The following PENK variants were observed in gnomAD, a reference collection of about 807,000 sequenced individuals.
PENK encodes proenkephalin-A.
In PENK, 25 loss-of-function variants were observed where a neutral mutation model predicts 24.1. The observed-to-expected ratio is 1.04, with a 90% CI of 0.76 to 1.45. PENK has a LOEUF of 1.45. Among genes scored for constraint, PENK ranks in the 40% most tolerant of loss-of-function variants. The pLI, the probability that PENK is intolerant of heterozygous loss-of-function variation, is 0.00. For missense variants in PENK, 353 were observed against 337.9 expected (o/e 1.04, Z -0.35); for synonymous variants, 135 against 130.3 (o/e 1.04, Z -0.24).
Position 56,441,650 on chromosome 8 carries a change from C to G in PENK, c.426G>C (p.Lys142Asn), listed in dbSNP as rs757143992. ...CCAGCGAGTCGTCCTCCTCTGCATC[C>G]TTCTTCATGAAGCCCCCATACCGCT... ...LAKRYGGFMK[K>N]DAEEDDSLAN... Residue 142 changes from lysine to asparagine, a missense_variant, in exon 4 of 4, where the codon AAG becomes AAC. Physicochemically the swap from Lys to Asn is moderately conservative, Grantham distance 94. Coordinates refer to ENST00000451791, the MANE Select transcript of PENK (RefSeq NM_001135690.3). 6.2e-7 allele frequency: 1 copy of G among 1,613,922 alleles called. No individual in the cohort carries two copies. The highest frequency in any genetic ancestry group is 1.3e-5 in the African/African-American group (1 of 74,858).
chr8:56,443,652 G>C (rs901799731), intron 3 of PENK: 1 of 286,744 alleles, frequency 3.5e-6, no homozygotes, highest in Non-Finnish European at 6.5e-6. Flanking sequence ...TTGTTACATT[G>C]ATTTCACTAC....
At chr8:56,442,732 A>C (rs535894227) in intron 3 of PENK, among the ~76,000 whole-genome samples, 9 of 152,098 alleles carry the variant, frequency 5.9e-5, no homozygotes, top group Non-Finnish European at 8.8e-5. Flanking sequence ...TTTTCTTCAC[A>C]TTTAGTCACT....
chr8:56,445,958 T>G lies in PENK; in HGVS notation c.-3-2A>C. The G allele has an allele frequency of 6.3e-7, 1 of 1,598,936 alleles. No homozygotes were observed. The highest frequency in any genetic ancestry group is 1.1e-5 in the South Asian group (1 of 89,954). On this transcript the variant is annotated splice_acceptor_variant, in intron 2 of 3. Transcript: ENST00000451791. LOFTEE classifies it low-confidence loss of function (5UTR_SPLICE). ...AAGTGTCAGGAACCGCGCCATGGAC[T>G]GCGAGGAGAGAGGGACGCGTGCTTC...
At chr8:56,446,039 T>A in intron 2 of PENK, 83 bp from the exon 3 acceptor site, 1 of 1,422,218 alleles carries the variant, frequency 7.0e-7, no homozygotes, top group Middle Eastern at 2.6e-4. Context: ...CGCGACAGCC[T>A]CAGCAGGGGA....
rs773083942 is a variant in PENK at position 56,441,468 on chromosome 8, G to C, written c.608C>G (p.Ala203Gly). The change falls in exon 4 of 4, where the codon GCC becomes GGC. Residue 203 changes from alanine to glycine, a missense_variant. Coordinates refer to ENST00000451791, the MANE Select transcript of PENK (RefSeq NM_001135690.3). ...CCCATATCGCTTCTGCAGCTCTTTG[G>C]CTTCATCTTCCAGTTGGGGGCTTCT... ...LKRSPQLEDE[A>G]KELQKRYGGF... 21 of 1,612,468 alleles carry C rather than the reference G, an allele frequency of 1.3e-5. No homozygotes were observed. The South Asian group carries it at 1.3e-4, about 10-fold the overall frequency.
At chr8:56,443,496 A>G (rs1438801686) in intron 3 of PENK, 1 of 153,278 alleles carries the variant, frequency 6.5e-6, no homozygotes, top group African/African-American at 2.4e-5. Flanking sequence ...GTTTTGTGGT[A>G]TTTACCACAC....
rs754728342 is a variant in PENK at position 56,445,916 on chromosome 8, A to C, written c.38T>G (p.Leu13Trp). The change falls in exon 3 of 4, where the codon TTG becomes TGG. Residue 13 changes from leucine to tryptophan, a missense_variant. Coordinates refer to ENST00000451791, the MANE Select transcript of PENK (RefSeq NM_001135690.3). The part of the protein sequence containing the change: ...RFLTLCTWLL[L>W]LGPGLLATVR... ...GGTCGCCAGGAGCCCGGGGCCGAGC[A>C]ACAGCAGCCAAGTGCAAAGTGTCAG... The C allele has an allele frequency of 6.2e-7, 1 of 1,612,168 alleles. No homozygotes were observed. Among genetic ancestry groups the C allele is most frequent in the East Asian group, 2.2e-5 (1 of 44,868 alleles).
intron 2 of PENK, chr8:56,446,176 A>G (rs533886609): frequency 2.2e-4 from 120 of 548,754 alleles, no homozygotes; most frequent in African/African-American, 2.0e-3. Context: ...GTCGCCCCCA[A>G]CGCGAGGCTG....
intron 3 of PENK, chr8:56,443,875 T>G: frequency 1.6e-6 from 1 of 641,828 alleles, no homozygotes; most frequent in Non-Finnish European, 2.8e-6. Flanking sequence ...TTATCTATTT[T>G]TTTCAAGTTG....
At chr8:56,445,768 A>C in intron 3 of PENK, 48 bp downstream of exon 3, 1 of 1,612,406 alleles carries the variant, frequency 6.2e-7, no homozygotes, top group African/African-American at 1.3e-5. Flanking sequence ...ACTGTTGCGG[A>C]AACTCTGTCT....
rs772081265 is a variant in PENK, at chr8:56,441,481, G to A, written c.595C>T (p.Leu199=). ...TGCAGCTCTTTGGCTTCATCTTCCA[G>A]TTGGGGGCTTCTCTTTAAGCCTCTC... The part of the protein sequence containing the change: ...FMRGLKRSPQ[L]EDEAKELQKR... Residue 199 remains leucine (L), a synonymous_variant, in exon 4 of 4, where the codon CTG becomes TTG. Coordinates refer to ENST00000451791, the MANE Select transcript of PENK (RefSeq NM_001135690.3). 1.2e-6 allele frequency: 2 copies of A among 1,612,912 alleles called. No individual in the cohort carries two copies. Among genetic ancestry groups the A allele is most frequent in the Non-Finnish European group, 1.7e-6 (2 of 1,179,752 alleles).
Position 56,442,223 on chromosome 8 carries a change from G to A in PENK, c.139-286C>T, listed in dbSNP as rs557599086. On this transcript the variant is annotated intron_variant, in intron 3 of 3. Coordinates refer to ENST00000451791, the MANE Select transcript of PENK (RefSeq NM_001135690.3). ...AAGAATTTAAAAAAAAATTTTCCATGCAGTTTTAACTTAGATTGACTGCTT... is the reference window on the plus strand; with the variant it reads ...AAGAATTTAAAAAAAAATTTTCCATACAGTTTTAACTTAGATTGACTGCTT... 2.0e-5 allele frequency among the ~76,000 whole-genome samples: 3 copies of A among 152,242 alleles called. No individual in the cohort carries two copies. In the South Asian group the frequency reaches 6.2e-4, roughly 32 times the overall value.
chr8:56,446,078 C>T, intron 2 of PENK, 122 bp from the exon 3 acceptor site: 2 of 1,163,710 alleles, frequency 1.7e-6, no homozygotes, highest in Admixed American at 2.8e-5. Context: ...CAGGAATGCT[C>T]CTTTCTGGGG....
At chr8:56,445,593 C>T in intron 3 of PENK, 3 of 644,930 alleles carry the variant, frequency 4.7e-6, no homozygotes, top group East Asian at 2.7e-5. Flanking sequence ...CCTTACCGGT[C>T]CCCAGATAGT....
At chr8:56,445,782 A>T in intron 3 of PENK, 34 bp downstream of exon 3, 1 of 1,612,914 alleles carries the variant, frequency 6.2e-7, no homozygotes, top group Non-Finnish European at 8.5e-7. Flanking sequence ...TCTGTCTCAC[A>T]AGGTGCGCAA....
At chr8:56,444,282 G>A (rs1454537185) in intron 3 of PENK, among the ~76,000 whole-genome samples, 1 of 152,232 alleles carries the variant, frequency 6.6e-6, no homozygotes, top group African/African-American at 2.4e-5. Flanking sequence ...TTTGGGGTCA[G>A]TCTGTGTGAT....
chr8:56,445,543 A>G, intron 3 of PENK: 1 of 601,620 alleles, frequency 1.7e-6, no homozygotes, highest in Non-Finnish European at 3.0e-6. Flanking sequence ...CCGAATTCCC[A>G]GGGTTAAAAC....
At position 56,441,334 on chromosome 8, in the gene PENK, C is replaced by T. The variant is rs759815705; in HGVS notation, c.742G>A (p.Glu248Lys). 3.8e-5 allele frequency: 62 copies of T among 1,613,274 alleles called. No individual in the cohort carries two copies. The highest frequency in any genetic ancestry group is 3.1e-4 in the East Asian group (14 of 44,892). ...TCAGGAACTTCTTTGGAGTAACTTT[C>T]GCCTTCTTCGTCGGAGGGCAGAGCC... ...AEALPSDEEG[E>K]SYSKEVPEME... is the part of the protein sequence containing the mutation. The change falls in exon 4 of 4, where the codon GAA (glutamate) becomes AAA (lysine). Residue 248 changes from glutamate (E) to lysine (K), a missense_variant. Glu to Lys is a moderately conservative substitution (Grantham distance 56). Coordinates refer to ENST00000451791, the MANE Select transcript of PENK (RefSeq NM_001135690.3).
At chr8:56,442,018 T>A in intron 3 of PENK, 81 bp from the exon 4 acceptor site, 1 of 1,044,860 alleles carries the variant, frequency 9.6e-7, no homozygotes, top group African/African-American at 1.6e-5. Flanking sequence ...GACCAAAATA[T>A]GCTTGCTTTG....
Sources: gnomAD v4.1 joint callset for allele counts (sites outside exome capture counted in the v4.1 genomes callset) on GRCh38, gnomAD v4.1.1 for gene constraint, MANE v1.5 for transcripts, NCBI Gene and HGNC (gene_info 2026-07-23, HGNC 2026-07-21) for gene names.